The following SH3GL2 variants were observed in gnomAD, a reference collection of about 807,000 sequenced individuals.
The protein encoded by SH3GL2 is endophilin-A1.
Under a neutral mutation model 46.0 loss-of-function variants are expected in SH3GL2, and 24 were observed. The observed-to-expected ratio is 0.52, with a 90% CI of 0.38 to 0.73. The LOEUF is 0.73. Among genes scored for constraint, SH3GL2 ranks in the 30% least tolerant of loss-of-function variants. The pLI is 0.00. For missense variants in SH3GL2, 413 were observed against 424.2 expected (o/e 0.97, Z 0.23); for synonymous variants, 196 against 147.1 (o/e 1.33, Z -2.40).
At chr9:17,733,366 G>A (rs1822235438) in intron 1 of SH3GL2, among the ~76,000 whole-genome samples, 1 of 151,698 alleles carries the variant, frequency 6.6e-6, no homozygotes, top group South Asian at 2.1e-4. Context: ...ATGCTGGTGT[G>A]CTGCACCCAC....
chr9:17,606,281 C>T (rs531460272), intron 1 of SH3GL2, among the ~76,000 whole-genome samples: 18 of 152,158 alleles, frequency 1.2e-4, no homozygotes, highest in African/African-American at 3.9e-4. Context: ...TTAATAGAGA[C>T]GAGGTTTCAC....
chr9:17,786,251 C>A (rs750658835), intron 3 of SH3GL2, 130 bp from the exon 4 acceptor site: 12 of 727,530 alleles, frequency 1.6e-5, no homozygotes, highest in Non-Finnish European at 2.7e-5. Context: ...AACACTGGAG[C>A]GTACTGAAGG....
At chr9:17,660,640 T>A (rs543369277) in intron 1 of SH3GL2, among the ~76,000 whole-genome samples, 2 of 152,198 alleles carry the variant, frequency 1.3e-5, no homozygotes, top group Non-Finnish European at 2.9e-5. Flanking sequence ...GGCTGTATGA[T>A]CTCAGAAAAT....
At chr9:17,758,405 T>C (rs1588307698) in intron 2 of SH3GL2, among the ~76,000 whole-genome samples, 1 of 150,656 alleles carries the variant, frequency 6.6e-6, no homozygotes, top group Admixed American at 6.6e-5. Context: ...TACCAAAAAA[T>C]ACAAAAATTA....
chr9:17,784,464 T>G (rs1823899505), intron 3 of SH3GL2, among the ~76,000 whole-genome samples: 1 of 152,186 alleles, frequency 6.6e-6, no homozygotes, highest in African/African-American at 2.4e-5. Flanking sequence ...TTCCTTCTAT[T>G]CATTCTGTGT....
chr9:17,654,189 C>A (rs979458233), intron 1 of SH3GL2, among the ~76,000 whole-genome samples: 2 of 152,130 alleles, frequency 1.3e-5, no homozygotes, highest in Non-Finnish European at 2.9e-5. Context: ...GATACTTTGG[C>A]TGCTCCTGTT....
intron 1 of SH3GL2, among the ~76,000 whole-genome samples, chr9:17,737,715 C>T (rs1237607375): frequency 3.3e-5 from 5 of 152,046 alleles, no homozygotes; most frequent in Admixed American, 2.6e-4. Flanking sequence ...TGGTTCTTTC[C>T]CTGCCTCGTC....
chr9:17,599,827 C>G (rs533642583), intron 1 of SH3GL2, among the ~76,000 whole-genome samples: 1 of 151,778 alleles, frequency 6.6e-6, no homozygotes, highest in African/African-American at 2.4e-5. Context: ...CAAACGTTTT[C>G]TTTTTCTTAA....
At chr9:17,602,338 C>T (rs1190559083) in intron 1 of SH3GL2, among the ~76,000 whole-genome samples, 1 of 152,188 alleles carries the variant, frequency 6.6e-6, no homozygotes, top group Non-Finnish European at 1.5e-5. Flanking sequence ...GGCTCCCATC[C>T]TCCATGAAAA....
chr9:17,581,105 T>C (rs1451843750), intron 1 of SH3GL2, among the ~76,000 whole-genome samples: 1 of 152,218 alleles, frequency 6.6e-6, no homozygotes, highest in Non-Finnish European at 1.5e-5. Flanking sequence ...TTATAGTTAT[T>C]GACATAAAGG....
chr9:17,745,255 G>A (rs1040671570), intron 1 of SH3GL2, among the ~76,000 whole-genome samples: 1 of 152,060 alleles, frequency 6.6e-6, no homozygotes, highest in Admixed American at 6.5e-5. Flanking sequence ...ATCTACCTAA[G>A]ATTGTATTAT....
chr9:17,787,999 G>A (rs892060855), intron 5 of SH3GL2, among the ~76,000 whole-genome samples: 3 of 152,088 alleles, frequency 2.0e-5, no homozygotes, highest in South Asian at 4.1e-4. Context: ...ATGGTTGTTA[G>A]GATTGAGGAA....
intron 1 of SH3GL2, among the ~76,000 whole-genome samples, chr9:17,688,484 A>G (rs181108665): frequency 7.6e-4 from 115 of 152,154 alleles, no homozygotes; most frequent in African/African-American, 2.7e-3. Flanking sequence ...TGTGAAAAAA[A>G]TAACAGAGAT....
At chr9:17,780,237 G>T (rs768560052) in intron 3 of SH3GL2, among the ~76,000 whole-genome samples, 5 of 152,096 alleles carry the variant, frequency 3.3e-5, no homozygotes, top group Non-Finnish European at 5.9e-5. Context: ...GATCCTAGCT[G>T]CCCTTACCTT....
chr9:17,755,448 T>C (rs964995265), intron 2 of SH3GL2, among the ~76,000 whole-genome samples: 1 of 152,150 alleles, frequency 6.6e-6, no homozygotes, highest in Admixed American at 6.5e-5. Flanking sequence ...AAGTTTTCTT[T>C]TTTGTTGTAT....
At chr9:17,702,805 A>G (rs1821371094) in intron 1 of SH3GL2, among the ~76,000 whole-genome samples, 1 of 152,094 alleles carries the variant, frequency 6.6e-6, no homozygotes, top group Admixed American at 6.6e-5. Context: ...GATTTCAGAA[A>G]TGGTTTTTTT....
chr9:17,745,671 T>A (rs7040364), intron 1 of SH3GL2, among the ~76,000 whole-genome samples: 24,037 of 151,128 alleles, frequency 0.16, 2,375 homozygotes, highest in African/African-American at 0.26. Flanking sequence ...ATAGAGGGGG[T>A]AAGCAACACA....
rs376280314 is a variant in SH3GL2, at chr9:17,738,641, T to TATATATATATATAGAGAG, written c.46-8424_46-8423insTATATATATATAGAGAGA. Among the ~76,000 whole-genome samples the TATATATATATATAGAGAG allele has an allele frequency of 3.8e-4, 34 of 88,870 alleles. 1 individual carries two copies. Among genetic ancestry groups the TATATATATATATAGAGAG allele is most frequent in the South Asian group, 9.8e-4 (2 of 2,038 alleles). The allele number at this position is 88,870 out of a possible 152,430, so 58.3% of individuals were successfully genotyped here. A position where few individuals can be genotyped will look rare whatever the true frequency, so the allele number is the denominator to read the frequency against. ...TCATGTGATTTTATATATATATATA[T>TATATATATATATAGAGAG]AGAGAGAGAGAGAGAGAGAGAGAGA... is the stretch of plus-strand genomic sequence containing the variant. On this transcript the variant is annotated intron_variant, in intron 1 of 8. Coordinates refer to ENST00000380607, the MANE Select transcript of SH3GL2 (RefSeq NM_003026.5).
At chr9:17,755,041 A>G (rs1822948564) in intron 2 of SH3GL2, among the ~76,000 whole-genome samples, 1 of 152,126 alleles carries the variant, frequency 6.6e-6, no homozygotes, top group Non-Finnish European at 1.5e-5. Context: ...GAGGGGTGAG[A>G]GAGGGCATCC....
Sources: gnomAD v4.1 joint callset for allele counts (sites outside exome capture counted in the v4.1 genomes callset) on GRCh38, gnomAD v4.1.1 for gene constraint, MANE v1.5 for transcripts, NCBI Gene and HGNC (gene_info 2026-07-23, HGNC 2026-07-21) for gene names.